GPC5: variants seen among roughly 807,000 people sequenced by gnomAD.
GPC5 encodes the protein glypican-5.
GPC5 carries 47 observed loss-of-function variants against 53.9 expected under a neutral mutation model. That is an observed-to-expected ratio of 0.87 (90% CI 0.69 to 1.11). The LOEUF is 1.11. Among genes scored for constraint, GPC5 ranks in the 50% most tolerant of loss-of-function variants. The probability of loss-of-function intolerance (pLI) is 0.00; values close to 1 mark genes in which losing one functional copy is unlikely to be tolerated. For missense variants in GPC5, 748 were observed against 713.1 expected, an observed-to-expected ratio of 1.05 and a Z score of -0.56; for synonymous variants, 286 against 263.3, an observed-to-expected ratio of 1.09 and a Z score of -0.84.
In GPC5 at chr13:92,182,110, A is replaced by G. The variant is rs561313523; in HGVS notation, c.1561+37121A>G. On this transcript the variant is annotated intron_variant, in intron 7 of 7. Coordinates refer to ENST00000377067, the MANE Select transcript of GPC5 (RefSeq NM_004466.6). Reference sequence around the variant, plus strand: ...TGTTTATTTATTTATTTTTTTTGCCAGGGAATTAATAATCCAAAAGAACAG... The same window carrying G: ...TGTTTATTTATTTATTTTTTTTGCCGGGGAATTAATAATCCAAAAGAACAG... Among the ~76,000 whole-genome samples, 4 of 152,266 alleles carry G rather than the reference A, an allele frequency of 2.6e-5. No individual in the cohort carries two copies. In the South Asian group the frequency reaches 8.3e-4, roughly 32 times the overall value.
intron 5 of GPC5, among the ~76,000 whole-genome samples, chr13:91,852,984 G>T (rs1364730110): frequency 6.6e-6 from 1 of 152,022 alleles, no homozygotes; most frequent in Admixed American, 6.6e-5. Context: ...ACTGAAGTCT[G>T]CCCTTGTGTA....
intron 5 of GPC5, among the ~76,000 whole-genome samples, chr13:91,884,134 T>C (rs1014269527): frequency 6.6e-6 from 1 of 152,122 alleles, no homozygotes; most frequent in African/African-American, 2.4e-5. Flanking sequence ...AAGGAACACT[T>C]CTACACTGTT....
intron 6 of GPC5, among the ~76,000 whole-genome samples, chr13:92,037,928 C>T (rs1204485739): frequency 6.6e-6 from 1 of 152,056 alleles, no homozygotes; most frequent in African/African-American, 2.4e-5. Context: ...ATAGGACCTT[C>T]CTTATATCTA....
At chr13:92,160,702 G>A (rs1469201989) in intron 7 of GPC5, among the ~76,000 whole-genome samples, 1 of 152,152 alleles carries the variant, frequency 6.6e-6, no homozygotes. Context: ...AAGACTGACT[G>A]ACTAACTGGG....
intron 7 of GPC5, among the ~76,000 whole-genome samples, chr13:92,183,360 G>T (rs1299272900): frequency 1.3e-5 from 2 of 150,714 alleles, no homozygotes; most frequent in African/African-American, 5.0e-5. Flanking sequence ...GAGGTCAGCT[G>T]CTTTTTTTCT....
chr13:91,429,260 A>G (rs1879266439), intron 1 of GPC5, among the ~76,000 whole-genome samples: 1 of 152,180 alleles, frequency 6.6e-6, no homozygotes, highest in African/African-American at 2.4e-5. Context: ...TTACTCTTCA[A>G]GGCAACTCAT....
At chr13:92,564,168 C>A (rs1594308170) in intron 7 of GPC5, among the ~76,000 whole-genome samples, 1 of 151,968 alleles carries the variant, frequency 6.6e-6, no homozygotes, top group Admixed American at 6.6e-5. Context: ...TGAGTAGACA[C>A]ATGCCTTCCA....
At chr13:91,477,077 G>A (rs571646223) in intron 2 of GPC5, among the ~76,000 whole-genome samples, 85 of 151,976 alleles carry the variant, frequency 5.6e-4, no homozygotes, top group Non-Finnish European at 1.2e-3. Flanking sequence ...TTATGTGAAA[G>A]GATATATATT....
intron 7 of GPC5, among the ~76,000 whole-genome samples, chr13:92,501,983 A>G (rs183624120): frequency 1.3e-5 from 2 of 152,268 alleles, no homozygotes; most frequent in Admixed American, 1.3e-4. Context: ...AAGATACTAG[A>G]AAGAAACTTG....
chr13:92,610,030 CAAAAAAAAAAAA>C (rs56913637), intron 7 of GPC5, among the ~76,000 whole-genome samples: 3 of 70,838 alleles, frequency 4.2e-5, no homozygotes, highest in South Asian at 1.5e-3. Flanking sequence ...GACTCCATCT[CAAAAAAAAAAAA>C]AAAAAAAAAA....
intron 7 of GPC5, among the ~76,000 whole-genome samples, chr13:92,373,549 G>A (rs2043668082): frequency 1.3e-5 from 2 of 152,124 alleles, no homozygotes; most frequent in Admixed American, 6.5e-5. Context: ...AACTTCTTAG[G>A]AAGCTTCATC....
chr13:92,476,509 G>A lies in GPC5; in HGVS notation c.1561+331520G>A, dbSNP rs1423994859. Among the ~76,000 whole-genome samples, 14 of 151,388 alleles carry A rather than the reference G, an allele frequency of 9.2e-5. 1 individual carries two copies. Among genetic ancestry groups the A allele is most frequent in the Non-Finnish European group, 1.6e-4 (11 of 67,906 alleles). Reference sequence around the variant, plus strand: ...GGCGATTCCTCAGTGATCTAGAACTGGAAATACCATTTGACCCAGCCATCC... The same window carrying A: ...GGCGATTCCTCAGTGATCTAGAACTAGAAATACCATTTGACCCAGCCATCC... On this transcript the variant is annotated intron_variant, in intron 7 of 7. Coordinates refer to ENST00000377067, the MANE Select transcript of GPC5 (RefSeq NM_004466.6).
intron 5 of GPC5, among the ~76,000 whole-genome samples, chr13:91,773,541 C>T (rs1489322448): frequency 6.6e-6 from 1 of 152,080 alleles, no homozygotes; most frequent in African/African-American, 2.4e-5. Flanking sequence ...AATATCATCT[C>T]TAATGAAGGT....
In GPC5 at chr13:91,776,146, G is replaced by A. The variant is rs369720851; in HGVS notation, c.1280+19726G>A. On this transcript the variant is annotated intron_variant, in intron 5 of 7. Transcript: ENST00000377067. ...CTGGAAGATCATCAATGTTGGACCC[G>A]AGACAGCTGAGATGATGGTCCCTGG... is the stretch of plus-strand genomic sequence containing the variant. Among the ~76,000 whole-genome samples the A allele has an allele frequency of 2.0e-4, 31 of 152,226 alleles. No homozygotes were observed. In the East Asian group the frequency reaches 5.0e-3, roughly 25 times the overall value.
At chr13:91,546,529 A>T (rs796804618) in intron 2 of GPC5, among the ~76,000 whole-genome samples, 4 of 152,016 alleles carry the variant, frequency 2.6e-5, no homozygotes, top group South Asian at 2.1e-4. Flanking sequence ...ATTTTTTAAA[A>T]TTTTTTCTTC....
chr13:92,549,461 A>G (rs1882234138), intron 7 of GPC5, among the ~76,000 whole-genome samples: 2 of 152,064 alleles, frequency 1.3e-5, no homozygotes, highest in African/African-American at 2.4e-5. Context: ...TGTTCTCTCT[A>G]TGGGTTTGAA....
chr13:92,030,339 T>TA (rs2040831356), intron 6 of GPC5, among the ~76,000 whole-genome samples: 1 of 152,188 alleles, frequency 6.6e-6, no homozygotes, highest in South Asian at 2.1e-4. Flanking sequence ...TAAGTTCTGT[T>TA]ATGTTCTCCA....
intron 7 of GPC5, among the ~76,000 whole-genome samples, chr13:92,550,642 G>T (rs1053611547): frequency 6.6e-6 from 1 of 151,708 alleles, no homozygotes; most frequent in Non-Finnish European, 1.5e-5. Context: ...TCTATATTTT[G>T]ACTCATGTTT....
intron 7 of GPC5, among the ~76,000 whole-genome samples, chr13:92,294,672 T>G (rs190879606): frequency 1.3e-5 from 2 of 152,112 alleles, no homozygotes; most frequent in Admixed American, 6.6e-5. Flanking sequence ...TTCATTTATC[T>G]GTTTTGTTGC....
Sources: gnomAD v4.1 joint callset for allele counts (sites outside exome capture counted in the v4.1 genomes callset) on GRCh38, gnomAD v4.1.1 for gene constraint, MANE v1.5 for transcripts, NCBI Gene and HGNC (gene_info 2026-07-23, HGNC 2026-07-21) for gene names.